PCLO: variants seen among roughly 807,000 people sequenced by gnomAD.
PCLO encodes protein piccolo.
PCLO carries 82 observed loss-of-function variants against 427.5 expected under a neutral mutation model. The ratio of observed to expected loss-of-function variants is 0.19; its 90% CI spans 0.16 to 0.23. The LOEUF (loss-of-function observed/expected upper bound fraction) is 0.23. PCLO is among the 10% of genes least tolerant of loss of function. The pLI, the probability that PCLO is intolerant of heterozygous loss-of-function variation, is 1.00. For synonymous variants in PCLO, 2,357 were observed against 2,155.4 expected, an observed-to-expected ratio of 1.09 and a Z score of -2.59; for missense variants, 6,239 against 6,115.9, an observed-to-expected ratio of 1.02 and a Z score of -0.67.
chr7:83,086,786 A>G (rs761429136), intron 3 of PCLO, among the ~76,000 whole-genome samples: 1 of 152,136 alleles, frequency 6.6e-6, no homozygotes, highest in Non-Finnish European at 1.5e-5. Flanking sequence ...TCTTGTTTAT[A>G]TTAGTAATAA....
At chr7:83,078,657 G>A (rs985601314) in intron 3 of PCLO, among the ~76,000 whole-genome samples, 11 of 151,664 alleles carry the variant, frequency 7.3e-5, no homozygotes, top group African/African-American at 2.2e-4. Flanking sequence ...TCAGCCTCCC[G>A]AGTAGCTGGG....
intron 3 of PCLO, among the ~76,000 whole-genome samples, chr7:82,971,532 T>C (rs1795903973): frequency 6.8e-6 from 1 of 147,750 alleles, no homozygotes; most frequent in Non-Finnish European, 1.5e-5. Context: ...TGTGTATAGA[T>C]ATAGATCTAT....
intron 3 of PCLO, among the ~76,000 whole-genome samples, chr7:83,101,268 C>T (rs185694552): frequency 6.9e-6 from 1 of 145,536 alleles, no homozygotes; most frequent in African/African-American, 2.5e-5. Context: ...TTAAAAACAA[C>T]CAAAAAATAA....
At chr7:83,041,366 A>G (rs1409616545) in intron 3 of PCLO, among the ~76,000 whole-genome samples, 1 of 152,132 alleles carries the variant, frequency 6.6e-6, no homozygotes, top group African/African-American at 2.4e-5. Context: ...GAGGCTGTTA[A>G]AGTCTCTATT....
At chr7:83,070,344 A>G (rs527770390) in intron 3 of PCLO, among the ~76,000 whole-genome samples, 137 of 152,010 alleles carry the variant, frequency 9.0e-4, no homozygotes, top group Non-Finnish European at 1.5e-3. Flanking sequence ...TTGATTCTCA[A>G]TAACTGGGGA....
intron 3 of PCLO, among the ~76,000 whole-genome samples, chr7:82,994,464 C>T (rs1053992567): frequency 9.9e-5 from 15 of 151,964 alleles, no homozygotes; most frequent in Admixed American, 2.0e-4. Context: ...GGCTGAGGCT[C>T]TTGGGCAAAG....
In PCLO at chr7:83,003,115, T is replaced by C. The variant is rs1383667719; in HGVS notation, c.3301-36628A>G. On this transcript the variant is annotated intron_variant, in intron 3 of 24. Coordinates refer to ENST00000333891, the MANE Select transcript of PCLO (RefSeq NM_033026.6). ...TGGTTTTCAATTTTTTTCTTACCTA[T>C]ATTTTATATTTTATCTCCCATTAAC... 2.0e-5 allele frequency among the ~76,000 whole-genome samples: 3 copies of C among 151,424 alleles called. No homozygotes were observed. In the South Asian group the frequency reaches 6.2e-4, roughly 31 times the overall value.
intron 15 of PCLO, among the ~76,000 whole-genome samples, chr7:82,837,209 A>C (rs1792252475): frequency 6.6e-6 from 1 of 152,066 alleles, no homozygotes; most frequent in South Asian, 2.1e-4. Context: ...AGTAATCTGG[A>C]TTAAGGGAGT....
chr7:82,768,960 C>G lies in PCLO; in HGVS notation c.15008-7467G>C, dbSNP rs560941090. Among the ~76,000 whole-genome samples, 7 of 152,222 alleles carry G rather than the reference C, an allele frequency of 4.6e-5. No individual in the cohort carries two copies. In the East Asian group the frequency reaches 1.4e-3, roughly 29 times the overall value. ...CAAAAGAAATAGATTGGTATAATTT[C>G]TATTTTACACATGAGAAAAAAGTGG... On this transcript the variant is annotated intron_variant, in intron 22 of 24. Coordinates refer to ENST00000333891, the MANE Select transcript of PCLO (RefSeq NM_033026.6).
At chr7:83,111,956 A>T (rs1791013861) in intron 3 of PCLO, among the ~76,000 whole-genome samples, 1 of 152,232 alleles carries the variant, frequency 6.6e-6, no homozygotes, top group African/African-American at 2.4e-5. Flanking sequence ...TGTGTAAGTT[A>T]AATGACATCT....
chr7:82,921,264 G>A (rs1016982497), intron 6 of PCLO, among the ~76,000 whole-genome samples: 1 of 151,424 alleles, frequency 6.6e-6, no homozygotes, highest in Non-Finnish European at 1.5e-5. Context: ...AGCTCAAACA[G>A]CTAAAGCAAT....
At chr7:83,097,527 T>C (rs55846537) in intron 3 of PCLO, among the ~76,000 whole-genome samples, 4 of 139,316 alleles carry the variant, frequency 2.9e-5, no homozygotes, top group African/African-American at 1.1e-4. Flanking sequence ...GTCTCAAAAA[T>C]ATATATATAT....
intron 3 of PCLO, among the ~76,000 whole-genome samples, chr7:83,054,897 A>T (rs527830380): frequency 6.6e-6 from 1 of 152,224 alleles, no homozygotes; most frequent in South Asian, 2.1e-4. Context: ...ACAATGAAGT[A>T]ACTATAATTT....
chr7:82,979,664 A>G (rs1460835766), intron 3 of PCLO, among the ~76,000 whole-genome samples: 1 of 152,200 alleles, frequency 6.6e-6, no homozygotes, highest in Non-Finnish European at 1.5e-5. Flanking sequence ...CTTATTGGCC[A>G]TTGAAGCAAT....
At chr7:82,903,736 T>G (rs1305012961) in intron 8 of PCLO, among the ~76,000 whole-genome samples, 1 of 151,934 alleles carries the variant, frequency 6.6e-6, no homozygotes, top group Non-Finnish European at 1.5e-5. Context: ...CAAAATAAAG[T>G]TTAATATAGA....
chr7:82,832,048 T>C (rs1366617879), intron 16 of PCLO, among the ~76,000 whole-genome samples: 1 of 152,194 alleles, frequency 6.6e-6, no homozygotes, highest in African/African-American at 2.4e-5. Flanking sequence ...CTCCCTTTCC[T>C]TTCTTGTCTA....
chr7:82,984,677 T>C (rs1342120364), intron 3 of PCLO, among the ~76,000 whole-genome samples: 1 of 151,982 alleles, frequency 6.6e-6, no homozygotes, highest in Non-Finnish European at 1.5e-5. Flanking sequence ...GCTAAATCCT[T>C]TGCTCACTTA....
intron 3 of PCLO, among the ~76,000 whole-genome samples, chr7:83,115,128 A>G (rs888487009): frequency 6.6e-6 from 1 of 152,046 alleles, no homozygotes. Context: ...TGCTATGTAA[A>G]TAGAAAAAAA....
At chr7:83,110,297 T>C (rs1790970756) in intron 3 of PCLO, among the ~76,000 whole-genome samples, 1 of 151,956 alleles carries the variant, frequency 6.6e-6, no homozygotes, top group Admixed American at 6.6e-5. Flanking sequence ...ACAGATGCTC[T>C]TTACATGCCT....
Sources: allele counts gnomAD v4.1 joint callset (sites outside exome capture counted in the v4.1 genomes callset), GRCh38; gene constraint gnomAD v4.1.1; transcripts MANE v1.5; gene names NCBI Gene and HGNC (gene_info 2026-07-23, HGNC 2026-07-21).